The following EIF4G3 variants were observed in gnomAD, a reference collection of about 807,000 sequenced individuals.
EIF4G3 encodes the protein eIF-4-gamma 3.
In EIF4G3, 34 loss-of-function variants were observed where a neutral mutation model predicts 186.4. The ratio of observed to expected loss-of-function variants is 0.18; its 90% CI spans 0.14 to 0.24. The LOEUF (loss-of-function observed/expected upper bound fraction) is 0.24, where lower values mean the gene tolerates loss of function less well. Among genes scored for constraint, EIF4G3 ranks in the 10% least tolerant of loss-of-function variants. EIF4G3 has a pLI of 1.00. For synonymous variants in EIF4G3, 673 were observed against 679.5 expected (o/e 0.99, Z 0.15); for missense variants, 1,536 against 1,948.5 (o/e 0.79, Z 3.99).
chr1:21,100,154 G>C (rs2101772224), intron 2 of EIF4G3, among the ~76,000 whole-genome samples: 1 of 152,280 alleles, frequency 6.6e-6, no homozygotes, highest in South Asian at 2.1e-4. Context: ...GTCCAGAATA[G>C]GTAAATCCAT....
At chr1:21,148,235 AT>A (rs1282728459) in intron 2 of EIF4G3, among the ~76,000 whole-genome samples, 1 of 151,680 alleles carries the variant, frequency 6.6e-6, no homozygotes, top group African/African-American at 2.4e-5. Flanking sequence ...TGCCTCACCA[AT>A]TTTTTTTCTA....
chr1:20,927,087 A>G (rs2094957552), intron 14 of EIF4G3, among the ~76,000 whole-genome samples: 1 of 148,664 alleles, frequency 6.7e-6, no homozygotes, highest in East Asian at 2.0e-4. Context: ...ACTGTTGCCC[A>G]GGCTGGAGTG....
chr1:21,055,533 C>G (rs1254105173), intron 3 of EIF4G3, among the ~76,000 whole-genome samples: 2 of 151,998 alleles, frequency 1.3e-5, no homozygotes, highest in Admixed American at 6.6e-5. Flanking sequence ...TCTAAGGAAA[C>G]AGGACACAGA....
intron 18 of EIF4G3, 38 bp from the exon 19 acceptor site, chr1:20,886,409 A>G (rs2084154776): frequency 3.1e-6 from 5 of 1,596,126 alleles, no homozygotes. Context: ...GAGTACTTAC[A>G]ATTTATTGGC....
chr1:21,041,179 T>A (rs541988478), intron 4 of EIF4G3, among the ~76,000 whole-genome samples: 1 of 152,330 alleles, frequency 6.6e-6, no homozygotes, highest in South Asian at 2.1e-4. Context: ...TATTTCCCCT[T>A]TCCTGACTTT....
intron 12 of EIF4G3, among the ~76,000 whole-genome samples, chr1:20,959,902 G>A (rs554920305): frequency 6.6e-6 from 1 of 152,064 alleles, no homozygotes; most frequent in Admixed American, 6.5e-5. Context: ...CATGGATATG[G>A]GGAAAAGGGA....
In EIF4G3 at chr1:21,171,404, T is replaced by C. The variant is rs961619449; in HGVS notation, c.-272+4771A>G. 3.3e-5 allele frequency among the ~76,000 whole-genome samples: 5 copies of C among 152,130 alleles called. No individual in the cohort carries two copies. In the East Asian group the frequency reaches 9.6e-4, roughly 29 times the overall value. ...AGCCAGCAAATGACCATGGCAACCT[T>C]ATTTTATGGTCTCCCACTATCTCAC... On this transcript the variant is annotated intron_variant, in intron 2 of 36. Coordinates refer to ENST00000602326, the MANE Select transcript of EIF4G3 (RefSeq NM_001391906.1).
In EIF4G3 at chr1:20,895,387, C is replaced by T. The variant is rs756112842; in HGVS notation, c.2114G>A (p.Ser705Asn). The T allele has an allele frequency of 1.9e-5, 30 of 1,613,764 alleles. No homozygotes were observed. The African/African-American group carries it at 3.2e-4, about 17-fold the overall frequency. The change falls in exon 17 of 37, where the codon AGT becomes AAT. Residue 705 changes from serine to asparagine, a missense_variant. Transcript: ENST00000602326. ...IQKPEGLPPI[S>N]DVVLDKINQP... ...GCTTACCTTGTCAAGAACCACATCA[C>T]TGATAGGAGGCAGGCCCTCTGGTTT...
chr1:21,000,138 A>C (rs1417329997), intron 6 of EIF4G3, among the ~76,000 whole-genome samples: 1 of 151,992 alleles, frequency 6.6e-6, no homozygotes, highest in Non-Finnish European at 1.5e-5. Flanking sequence ...TAAAAAAAAA[A>C]AACAACTACT....
intron 2 of EIF4G3, among the ~76,000 whole-genome samples, chr1:21,131,091 C>A (rs576375264): frequency 4.6e-5 from 7 of 151,502 alleles, no homozygotes; most frequent in Admixed American, 3.3e-4. Flanking sequence ...AATACAAAAA[C>A]TAGCCAGGCA....
intron 18 of EIF4G3, among the ~76,000 whole-genome samples, chr1:20,887,661 A>G (rs1017898888): frequency 3.9e-5 from 6 of 152,094 alleles, no homozygotes; most frequent in African/African-American, 1.4e-4. Context: ...TAAAAAAAAA[A>G]AACAAACAGG....
intron 2 of EIF4G3, among the ~76,000 whole-genome samples, chr1:21,095,075 T>C (rs540403304): frequency 1.3e-5 from 2 of 152,228 alleles, no homozygotes; most frequent in African/African-American, 4.8e-5. Context: ...CCAAAAACCC[T>C]ATTGGAAAGC....
intron 2 of EIF4G3, among the ~76,000 whole-genome samples, chr1:21,161,167 T>C (rs953461676): frequency 1.4e-5 from 2 of 145,634 alleles, no homozygotes; most frequent in Admixed American, 6.9e-5. Flanking sequence ...AGAGACTCCA[T>C]CTCATAAAGA....
At chr1:20,892,045 T>C (rs753802904) in intron 18 of EIF4G3, among the ~76,000 whole-genome samples, 6 of 152,166 alleles carry the variant, frequency 3.9e-5, no homozygotes, top group African/African-American at 7.2e-5. Flanking sequence ...CATTCAAGTA[T>C]ACGCCATCAC....
intron 2 of EIF4G3, among the ~76,000 whole-genome samples, chr1:21,090,543 A>C (rs1462514847): frequency 6.6e-6 from 1 of 152,220 alleles, no homozygotes; most frequent in Non-Finnish European, 1.5e-5. Flanking sequence ...CTTCAAAATA[A>C]ACCTTCTTGA....
At chr1:21,164,698 A>G (rs2097826253) in intron 2 of EIF4G3, among the ~76,000 whole-genome samples, 1 of 152,118 alleles carries the variant, frequency 6.6e-6, no homozygotes, top group Admixed American at 6.6e-5. Flanking sequence ...CGTCTCTACA[A>G]AAAATACAAA....
chr1:21,080,073 C>G (rs1381634081), intron 3 of EIF4G3, among the ~76,000 whole-genome samples: 1 of 151,568 alleles, frequency 6.6e-6, no homozygotes, highest in African/African-American at 2.4e-5. Context: ...ATTCCTTGAA[C>G]CCAGGAAACA....
chr1:20,966,173 T>G (rs2074603821), intron 12 of EIF4G3, among the ~76,000 whole-genome samples: 1 of 152,192 alleles, frequency 6.6e-6, no homozygotes, highest in South Asian at 2.1e-4. Context: ...ATCCACAGCA[T>G]AAGCAATTAT....
At chr1:20,979,539 G>C (rs1286159537) in intron 10 of EIF4G3, among the ~76,000 whole-genome samples, 4 of 152,226 alleles carry the variant, frequency 2.6e-5, no homozygotes, top group African/African-American at 9.6e-5. Flanking sequence ...GAAATGTTTG[G>C]AGAAAAAGAG....
Sources: gnomAD v4.1 joint callset for allele counts (sites outside exome capture counted in the v4.1 genomes callset) on GRCh38, gnomAD v4.1.1 for gene constraint, MANE v1.5 for transcripts, NCBI Gene and HGNC (gene_info 2026-07-23, HGNC 2026-07-21) for gene names.